Variants in MICU3 observed in about 807,000 individuals in gnomAD.
MICU3 encodes the protein mitochondrial calcium uptake 3, also known as calcium uptake protein 3, mitochondrial.
A neutral mutation model predicts 66.5 loss-of-function variants in MICU3; 62 were observed. That is an observed-to-expected ratio of 0.93 (90% CI 0.76 to 1.15). The LOEUF (loss-of-function observed/expected upper bound fraction) is 1.15, where lower values mean the gene tolerates loss of function less well. MICU3 is among the 50% of genes most tolerant of loss of function. The pLI is 0.00. For synonymous variants in MICU3, 308 were observed against 240.7 expected (o/e 1.28, Z -2.59); for missense variants, 779 against 664.4 (o/e 1.17, Z -1.90).
rs181717258 is a variant in MICU3, at chr8:17,066,151, A to C, written c.535+1914A>C. ...ATTTAATCCATTTGGTACAATGTAGATTCTTTATTAGTGAGTTAGTATAGA... is the reference window on the plus strand; with the variant it reads ...ATTTAATCCATTTGGTACAATGTAGCTTCTTTATTAGTGAGTTAGTATAGA... On this transcript the variant is annotated intron_variant, in intron 2 of 14. Coordinates refer to ENST00000318063, the MANE Select transcript of MICU3 (RefSeq NM_181723.3). Among the ~76,000 whole-genome samples the C allele has an allele frequency of 8.3e-4, 127 of 152,132 alleles. 2 individuals are homozygous for C. The highest frequency in any genetic ancestry group is 8.1e-3 in the Admixed American group (123 of 15,254).
the MICU3 span, among the ~76,000 whole-genome samples, chr8:17,130,773 A>G: frequency 1.3e-5 from 2 of 152,190 alleles, no homozygotes; most frequent in African/African-American, 4.8e-5. Flanking sequence ...GGAAAGGAGG[A>G]AACAAAAAAA....
intron 1 of MICU3, among the ~76,000 whole-genome samples, chr8:17,042,428 A>G (rs999205342): frequency 6.6e-6 from 1 of 152,228 alleles, no homozygotes; most frequent in African/African-American, 2.4e-5. Context: ...GGCATTGTCT[A>G]TCTAGCATTA....
intron 9 of MICU3, among the ~76,000 whole-genome samples, chr8:17,103,461 G>T (rs1437879221): frequency 2.0e-5 from 3 of 151,880 alleles, no homozygotes; most frequent in Non-Finnish European, 4.4e-5. Flanking sequence ...ATAAAAAATA[G>T]GATTATTTAA....
intron 1 of MICU3, among the ~76,000 whole-genome samples, chr8:17,050,836 A>C (rs1216049636): frequency 6.6e-6 from 1 of 152,134 alleles, no homozygotes; most frequent in Admixed American, 6.6e-5. Flanking sequence ...AACGCAGTAT[A>C]AGAGTTGCTC....
intron 1 of MICU3, among the ~76,000 whole-genome samples, chr8:17,044,866 C>T (rs1196492138): frequency 1.3e-5 from 2 of 152,202 alleles, no homozygotes; most frequent in Admixed American, 6.5e-5. Flanking sequence ...TGCTGCCATT[C>T]CTTACCTATG....
chr8:17,086,846 A>C, intron 6 of MICU3, 118 bp from the exon 7 acceptor site: 2 of 667,002 alleles, frequency 3.0e-6, no homozygotes, highest in Non-Finnish European at 5.3e-6. Flanking sequence ...AGCAGTTTAA[A>C]TGTTCTTGGT....
the MICU3 span, among the ~76,000 whole-genome samples, chr8:17,130,384 G>T: frequency 6.6e-6 from 1 of 151,958 alleles, no homozygotes; most frequent in Non-Finnish European, 1.5e-5. Flanking sequence ...TTAGCCGGGC[G>T]TGGTGGCGCA....
Position 17,118,706 on chromosome 8 carries a change from G to A in MICU3, c.1525-1G>A, listed in dbSNP as rs762101069. On this transcript the variant is annotated splice_acceptor_variant, in intron 13 of 14. Transcript: ENST00000318063. LOFTEE classifies it high-confidence loss of function. ...GCACACTTTGCTCTTCTGTTTTACAGGGTTATAAAACAGTCCAGAAGTACC... is the reference window on the plus strand; with the variant it reads ...GCACACTTTGCTCTTCTGTTTTACAAGGTTATAAAACAGTCCAGAAGTACC... 6.3e-7 allele frequency: 1 copy of A among 1,598,930 alleles called. No individual in the cohort carries two copies. Among genetic ancestry groups the A allele is most frequent in the East Asian group, 2.2e-5 (1 of 44,626 alleles).
At chr8:17,132,477 C>T in the MICU3 span, 1 of 152,114 alleles carries the variant, frequency 6.6e-6, no homozygotes, top group African/African-American at 2.4e-5. Flanking sequence ...ATATGGAGTA[C>T]TAATATACAC....
chr8:17,033,690 G>T (rs1812474777), intron 1 of MICU3, among the ~76,000 whole-genome samples: 1 of 152,116 alleles, frequency 6.6e-6, no homozygotes, highest in South Asian at 2.1e-4. Flanking sequence ...GCCCGACTTG[G>T]CCTCCCAAAT....
At chr8:17,093,244 A>G (rs1189867590) in intron 8 of MICU3, among the ~76,000 whole-genome samples, 1 of 152,046 alleles carries the variant, frequency 6.6e-6, no homozygotes, top group Admixed American at 6.6e-5. Flanking sequence ...AAAAGGATAA[A>G]TAATGCCAAA....
chr8:17,113,842 T>C (rs937086707), intron 11 of MICU3, among the ~76,000 whole-genome samples: 6 of 152,176 alleles, frequency 3.9e-5, no homozygotes, highest in African/African-American at 1.2e-4. Context: ...TTTTGGAATT[T>C]AGTGCTGACA....
In MICU3 at chr8:17,055,626, CA is replaced by C. The variant is rs1816801011; in HGVS notation, c.382-8457del. 2.0e-5 allele frequency among the ~76,000 whole-genome samples: 3 copies of C among 152,178 alleles called. No individual in the cohort carries two copies. In the South Asian group the frequency reaches 6.2e-4, roughly 31 times the overall value. On this transcript the variant is annotated intron_variant, in intron 1 of 14. Coordinates refer to ENST00000318063, the MANE Select transcript of MICU3 (RefSeq NM_181723.3). Reference sequence around the variant, plus strand: ...CTAGGCCTGGCCTATAAAAGCTTCTCACATGAACTTCTCCCATACTTTATTT... The same window carrying C: ...CTAGGCCTGGCCTATAAAAGCTTCTCCATGAACTTCTCCCATACTTTATTT...
intron 1 of MICU3, among the ~76,000 whole-genome samples, chr8:17,048,685 C>G (rs950547896): frequency 6.6e-6 from 1 of 152,082 alleles, no homozygotes; most frequent in Non-Finnish European, 1.5e-5. Flanking sequence ...GTGTGATCAC[C>G]CCTCACTGCA....
intron 11 of MICU3, among the ~76,000 whole-genome samples, chr8:17,113,753 C>T (rs1316519871): frequency 3.3e-5 from 5 of 149,456 alleles, no homozygotes; most frequent in Admixed American, 2.6e-4. Context: ...ATTTACCTTA[C>T]AAGGTTAAAA....
chr8:17,066,764 C>G (rs1260953144), intron 2 of MICU3, among the ~76,000 whole-genome samples: 1 of 151,788 alleles, frequency 6.6e-6, no homozygotes, highest in African/African-American at 2.4e-5. Context: ...CCAGGCTTGG[C>G]TTGAACTCCT....
At chr8:17,137,681 G>A in the MICU3 span, among the ~76,000 whole-genome samples, 1 of 148,402 alleles carries the variant, frequency 6.7e-6, no homozygotes, top group South Asian at 2.1e-4. Context: ...AAACAGACAA[G>A]GGAAAGAGTA....
intron 12 of MICU3, among the ~76,000 whole-genome samples, chr8:17,115,519 C>T (rs772850986): frequency 6.6e-6 from 1 of 152,060 alleles, no homozygotes; most frequent in Non-Finnish European, 1.5e-5. Context: ...GATGGTGTCA[C>T]CTGTCTTGCA....
At chr8:17,073,453 C>T (rs1223237379) in intron 3 of MICU3, among the ~76,000 whole-genome samples, 2 of 151,938 alleles carry the variant, frequency 1.3e-5, no homozygotes. Context: ...CTCCCATCAC[C>T]CCCAGATAGG....
Sources: gnomAD v4.1 joint callset for allele counts (sites outside exome capture counted in the v4.1 genomes callset) on GRCh38, gnomAD v4.1.1 for gene constraint, MANE v1.5 for transcripts, NCBI Gene and HGNC (gene_info 2026-07-23, HGNC 2026-07-21) for gene names.